SLC9B1: variants seen among roughly 807,000 people sequenced by gnomAD.
The protein encoded by SLC9B1 is sodium/hydrogen exchanger 9B1.
SLC9B1 carries 32 observed loss-of-function variants against 51.7 expected under a neutral mutation model. The observed-to-expected ratio is 0.62, with a 90% CI of 0.47 to 0.83. The LOEUF (loss-of-function observed/expected upper bound fraction) is 0.83. Among genes scored for constraint, SLC9B1 ranks in the 40% least tolerant of loss-of-function variants. The probability of loss-of-function intolerance (pLI) is 0.00; values close to 1 mark genes in which losing one functional copy is unlikely to be tolerated. For missense variants in SLC9B1, 406 were observed against 613.2 expected, an observed-to-expected ratio of 0.66 and a Z score of 3.57; for synonymous variants, 145 against 212.7, an observed-to-expected ratio of 0.68 and a Z score of 2.77.
chr4:102,977,918 A>C (rs894575726), intron 3 of SLC9B1, among the ~76,000 whole-genome samples: 2 of 152,136 alleles, frequency 1.3e-5, no homozygotes, highest in Admixed American at 1.3e-4. Flanking sequence ...TTAACTCGTC[A>C]TTTAACATTA....
At chr4:102,988,761 A>G (rs542479522) in intron 3 of SLC9B1, among the ~76,000 whole-genome samples, 48 of 152,268 alleles carry the variant, frequency 3.2e-4, no homozygotes, top group Non-Finnish European at 5.3e-4. Context: ...TGCAAAATCA[A>G]AAATGAAAGA....
At chr4:102,986,556 T>C (rs1396801317) in intron 3 of SLC9B1, among the ~76,000 whole-genome samples, 1 of 152,206 alleles carries the variant, frequency 6.6e-6, no homozygotes, top group African/African-American at 2.4e-5. Context: ...GCTTCAATTA[T>C]GTCTTCTATT....
chr4:102,923,909 A>T (rs1484777011), intron 7 of SLC9B1, among the ~76,000 whole-genome samples: 1 of 152,240 alleles, frequency 6.6e-6, no homozygotes, highest in Admixed American at 6.5e-5. Context: ...ATAAAAGAGG[A>T]CACAAACAAA....
chr4:102,946,489 TA>T (rs1292892779), intron 5 of SLC9B1, among the ~76,000 whole-genome samples, 157 bp downstream of exon 5: 1 of 152,218 alleles, frequency 6.6e-6, no homozygotes, highest in Non-Finnish European at 1.5e-5. Context: ...TTTTGTAGAT[TA>T]CAGGCATGAG....
chr4:102,990,686 C>G lies in SLC9B1; in HGVS notation c.70-745G>C, dbSNP rs960464519. Among the ~76,000 whole-genome samples, 24 of 151,734 alleles carry G rather than the reference C, an allele frequency of 1.6e-4. 1 individual carries two copies. The highest frequency in any genetic ancestry group is 9.2e-4 in the Admixed American group (14 of 15,232). Reference sequence around the variant, plus strand: ...TGGGTGGGTGTGGGGGTGTGTGTGCCAGCAATTTGAGTGACTTGATAATAC... The same window carrying G: ...TGGGTGGGTGTGGGGGTGTGTGTGCGAGCAATTTGAGTGACTTGATAATAC... On this transcript the variant is annotated intron_variant, in intron 2 of 11. Coordinates refer to ENST00000296422, the MANE Select transcript of SLC9B1 (RefSeq NM_139173.4).
At chr4:102,886,167 C>A (rs1733900150) in intron 11 of SLC9B1, among the ~76,000 whole-genome samples, 1 of 152,078 alleles carries the variant, frequency 6.6e-6, no homozygotes, top group African/African-American at 2.4e-5. Context: ...AAGCATATTA[C>A]AGTGTGATCC....
At chr4:102,911,368 A>G in intron 8 of SLC9B1, 63 bp downstream of exon 8, 2 of 1,175,442 alleles carry the variant, frequency 1.7e-6, no homozygotes, top group Non-Finnish European at 2.4e-6. Flanking sequence ...GACCTTACCA[A>G]AGTTTAATAT....
intron 3 of SLC9B1, among the ~76,000 whole-genome samples, chr4:102,956,139 T>C (rs1737801716): frequency 6.6e-6 from 1 of 152,170 alleles, no homozygotes; most frequent in Admixed American, 6.5e-5. Flanking sequence ...ACATTGCACA[T>C]GTGCTGTCAA....
intron 3 of SLC9B1, among the ~76,000 whole-genome samples, chr4:102,985,274 T>C (rs948757442): frequency 2.2e-4 from 34 of 152,346 alleles, no homozygotes; most frequent in Non-Finnish European, 3.2e-4. Flanking sequence ...TTTTACCTAG[T>C]GTATTTAGAC....
chr4:102,891,431 TCTGCATA>T (rs1734244593), intron 11 of SLC9B1: 1 of 152,218 alleles, frequency 6.6e-6, no homozygotes, highest in Non-Finnish European at 1.5e-5. Context: ...TTTATAGGAT[TCTGCATA>T]CAACTGTCTC....
intron 11 of SLC9B1, chr4:102,888,014 A>G (rs1030086375): frequency 6.5e-6 from 1 of 153,304 alleles, no homozygotes; most frequent in Non-Finnish European, 1.5e-5. Context: ...ACAGTTATTT[A>G]CAGTATAAAA....
chr4:102,900,991 C>T lies in SLC9B1; in HGVS notation c.*126G>A. On this transcript the variant is annotated 3_prime_UTR_variant, in exon 12 of 12. Transcript: ENST00000296422. ...TAAAAAGTCCAAGAAAAGCCCTGTACTGAAATCACATGTTTACTAAATCCT... is the reference window on the plus strand; with the variant it reads ...TAAAAAGTCCAAGAAAAGCCCTGTATTGAAATCACATGTTTACTAAATCCT... The T allele has an allele frequency of 9.3e-6, 14 of 1,500,830 alleles. No homozygotes were observed. The highest frequency in any genetic ancestry group is 1.2e-5 in the Non-Finnish European group (13 of 1,128,472). The allele number at this position is 1,500,830 out of a possible 1,614,324, so 93.0% of individuals were successfully genotyped here.
At chr4:102,913,359 A>G (rs1735430526) in intron 7 of SLC9B1, among the ~76,000 whole-genome samples, 1 of 152,168 alleles carries the variant, frequency 6.6e-6, no homozygotes, top group Admixed American at 6.5e-5. Context: ...AGCTCCAGAA[A>G]AAGAAACTGG....
chr4:102,979,935 GGACATGAGCAGACACT>G (rs1243655976), intron 3 of SLC9B1, among the ~76,000 whole-genome samples: 7 of 152,084 alleles, frequency 4.6e-5, no homozygotes. Context: ...AGTGGGTAAA[GGACATGAGCAGACACT>G]TCTCGAAAGA....
At chr4:102,937,206 G>T (rs1412629541) in intron 6 of SLC9B1, among the ~76,000 whole-genome samples, 1 of 151,690 alleles carries the variant, frequency 6.6e-6, no homozygotes, top group Non-Finnish European at 1.5e-5. Context: ...GGGTTCAAGC[G>T]ATTCTTCTGC....
intron 10 of SLC9B1, 178 bp downstream of exon 10, chr4:102,906,358 A>T (rs1312398459): frequency 1.6e-5 from 6 of 383,418 alleles, no homozygotes; most frequent in Non-Finnish European, 2.7e-5. Flanking sequence ...TTGGTTTATA[A>T]AAAAAAAAGA....
intron 3 of SLC9B1, among the ~76,000 whole-genome samples, chr4:102,983,650 T>C (rs1168123807): frequency 6.6e-6 from 1 of 152,202 alleles, no homozygotes; most frequent in African/African-American, 2.4e-5. Context: ...TTATCTAGGT[T>C]ATTGAATTTG....
chr4:102,901,020 T>C lies in SLC9B1; in HGVS notation c.*97A>G. ...AATCACATGTTTACTAAATCCTGGA[T>C]TCTCTGTACAGTCCCCACATATTTC... On this transcript the variant is annotated 3_prime_UTR_variant, in exon 12 of 12. Transcript: ENST00000296422. 1 of 1,557,874 alleles carries C rather than the reference T, an allele frequency of 6.4e-7. No homozygotes were observed. The highest frequency in any genetic ancestry group is 8.7e-7 in the Non-Finnish European group (1 of 1,155,612).
At position 102,982,184 on chromosome 4, in the gene SLC9B1, C is replaced by T. The variant is rs74641317; in HGVS notation, c.211+7616G>A. Reference sequence around the variant, plus strand: ...GATTATGTTTGCTCCATTGTATTGCCTTTATTCCTTTGTCAAAGATCAGTT... The same window carrying T: ...GATTATGTTTGCTCCATTGTATTGCTTTTATTCCTTTGTCAAAGATCAGTT... On this transcript the variant is annotated intron_variant, in intron 3 of 11. Transcript: ENST00000296422. 1.9e-3 allele frequency among the ~76,000 whole-genome samples: 296 copies of T among 151,930 alleles called. 4 individuals carry two copies. Among genetic ancestry groups the T allele is most frequent in the African/African-American group, 7.0e-3 (289 of 41,454 alleles).
Sources: allele counts gnomAD v4.1 joint callset (sites outside exome capture counted in the v4.1 genomes callset), GRCh38; gene constraint gnomAD v4.1.1; transcripts MANE v1.5; gene names NCBI Gene and HGNC (gene_info 2026-07-23, HGNC 2026-07-21).